Variants in KHDRBS2 observed in about 807,000 individuals in gnomAD.
KHDRBS2 encodes the protein KH domain-containing, RNA-binding, signal transduction-associated protein 2.
A neutral mutation model predicts 44.3 loss-of-function variants in KHDRBS2; 26 were observed. That is an observed-to-expected ratio of 0.59 (90% CI 0.43 to 0.81). KHDRBS2 has a LOEUF of 0.81. KHDRBS2 is among the 40% of genes least tolerant of loss of function. The pLI is 0.00. For missense variants in KHDRBS2, 476 were observed against 433.1 expected (o/e 1.10, Z -0.88); for synonymous variants, 194 against 151.1 (o/e 1.28, Z -2.08).
rs115883093 is a variant in KHDRBS2, at chr6:62,154,270, G to C, written c.219+22915C>G. Among the ~76,000 whole-genome samples, 567 of 152,256 alleles carry C rather than the reference G, an allele frequency of 3.7e-3. 2 individuals are homozygous for C. The highest frequency in any genetic ancestry group is 0.013 in the African/African-American group (548 of 41,552). The stretch of plus-strand genomic sequence containing the variant: ...CTCAGGTGTCACGGAGATTCTCTCT[G>C]TGTCCTTTCTGGATAGCTCCCTTTC... On this transcript the variant is annotated intron_variant, in intron 2 of 8. Coordinates refer to ENST00000281156, the MANE Select transcript of KHDRBS2 (RefSeq NM_152688.4).
the KHDRBS2 span, among the ~76,000 whole-genome samples, chr6:61,590,666 C>A: frequency 6.6e-6 from 1 of 152,090 alleles, no homozygotes; most frequent in African/African-American, 2.4e-5. Context: ...TGTGAATTTA[C>A]TTTCTGGTCT....
chr6:61,770,550 A>C (rs895875349), intron 6 of KHDRBS2, among the ~76,000 whole-genome samples: 2 of 152,250 alleles, frequency 1.3e-5, no homozygotes, highest in Middle Eastern at 3.2e-3. Flanking sequence ...CAGAAGCCTC[A>C]GTAGACGATG....
intron 1 of KHDRBS2, among the ~76,000 whole-genome samples, chr6:62,256,510 T>C (rs1333033657): frequency 6.6e-6 from 1 of 152,020 alleles, no homozygotes; most frequent in Non-Finnish European, 1.5e-5. Flanking sequence ...TCTCTTCTCT[T>C]GTCTGCCGCC....
chr6:62,129,471 T>C (rs115641734), intron 2 of KHDRBS2, among the ~76,000 whole-genome samples: 56 of 152,200 alleles, frequency 3.7e-4, no homozygotes, highest in African/African-American at 1.2e-3. Flanking sequence ...GTAGAGTGGG[T>C]TAAATTAAAA....
intron 2 of KHDRBS2, among the ~76,000 whole-genome samples, chr6:62,134,512 G>T (rs1212574207): frequency 6.6e-6 from 1 of 152,188 alleles, no homozygotes; most frequent in African/African-American, 2.4e-5. Flanking sequence ...CCCACACAGA[G>T]TCCCCACTGG....
chr6:61,794,625 G>A (rs1470908927), intron 6 of KHDRBS2, among the ~76,000 whole-genome samples: 1 of 151,950 alleles, frequency 6.6e-6, no homozygotes, highest in Non-Finnish European at 1.5e-5. Flanking sequence ...AAACAACATG[G>A]AATCAGAGTA....
intron 6 of KHDRBS2, among the ~76,000 whole-genome samples, chr6:61,881,510 A>C (rs1040779702): frequency 1.3e-5 from 2 of 151,968 alleles, no homozygotes; most frequent in African/African-American, 4.8e-5. Flanking sequence ...TGAAAGACCA[A>C]GGAAGAGACA....
At chr6:61,658,646 C>G in the KHDRBS2 span, among the ~76,000 whole-genome samples, 1 of 152,020 alleles carries the variant, frequency 6.6e-6, no homozygotes, top group South Asian at 2.1e-4. Flanking sequence ...GCAGTAGGGT[C>G]CTGACATCTG....
chr6:61,679,316 A>G (rs1766115184), downstream of KHDRBS2, among the ~76,000 whole-genome samples: 1 of 151,862 alleles, frequency 6.6e-6, no homozygotes, highest in African/African-American at 2.4e-5. Flanking sequence ...TATTGCCTTG[A>G]GGGTTATATA....
At position 61,728,223 on chromosome 6, in the gene KHDRBS2, C is replaced by T. The variant is rs145674987; in HGVS notation, c.893+4459G>A. Among the ~76,000 whole-genome samples the T allele has an allele frequency of 3.2e-4, 48 of 151,806 alleles. No homozygotes were observed. In the East Asian group the frequency reaches 6.8e-3, roughly 21 times the overall value. ...AAAACCACATGTTCTCATTTATTAA[C>T]GGGGAGCTAAATGATGAGAACACAG... On this transcript the variant is annotated intron_variant, in intron 7 of 8. Transcript: ENST00000281156.
chr6:61,626,179 G>A, the KHDRBS2 span, among the ~76,000 whole-genome samples: 3 of 152,086 alleles, frequency 2.0e-5, no homozygotes, highest in Non-Finnish European at 4.4e-5. Context: ...TCATTCAAAG[G>A]TTGAACAATA....
chr6:61,890,160 G>A (rs1166150002), intron 6 of KHDRBS2, among the ~76,000 whole-genome samples: 2 of 152,154 alleles, frequency 1.3e-5, no homozygotes, highest in Non-Finnish European at 2.9e-5. Context: ...TTTGTTCACA[G>A]ATATGTCTCC....
intron 3 of KHDRBS2, among the ~76,000 whole-genome samples, chr6:61,989,061 G>A (rs1775623726): frequency 6.6e-6 from 1 of 152,162 alleles, no homozygotes; most frequent in Admixed American, 6.5e-5. Context: ...TTAAAAATCA[G>A]AGGCTAGATT....
chr6:61,865,061 G>A (rs953984310), intron 6 of KHDRBS2, among the ~76,000 whole-genome samples: 2 of 152,032 alleles, frequency 1.3e-5, no homozygotes, highest in Admixed American at 6.6e-5. Flanking sequence ...GGTCTCTTCT[G>A]CTATTAATAC....
chr6:62,062,231 T>A (rs528102589), intron 2 of KHDRBS2, among the ~76,000 whole-genome samples: 11 of 148,592 alleles, frequency 7.4e-5, no homozygotes. Flanking sequence ...AGACAGAAAG[T>A]CAGCAAGGAT....
the KHDRBS2 span, among the ~76,000 whole-genome samples, chr6:61,543,234 T>C: frequency 6.6e-6 from 1 of 151,810 alleles, no homozygotes; most frequent in Non-Finnish European, 1.5e-5. Context: ...ACTAATAAAG[T>C]ATATAATGAT....
chr6:62,059,214 T>G (rs1389370663), intron 2 of KHDRBS2, among the ~76,000 whole-genome samples: 1 of 120,204 alleles, frequency 8.3e-6, no homozygotes, highest in Non-Finnish European at 1.7e-5. Context: ...TTTTTTTTTT[T>G]TTTTTTTTTT....
intron 6 of KHDRBS2, among the ~76,000 whole-genome samples, chr6:61,867,498 G>A (rs772675957): frequency 6.6e-6 from 1 of 152,164 alleles, no homozygotes; most frequent in Non-Finnish European, 1.5e-5. Context: ...ACTCTTGCTA[G>A]GGAGGTGTGG....
intron 2 of KHDRBS2, among the ~76,000 whole-genome samples, chr6:62,074,416 A>T (rs1233305486): frequency 6.6e-6 from 1 of 151,858 alleles, no homozygotes; most frequent in African/African-American, 2.4e-5. Flanking sequence ...TTGTGACTAT[A>T]GTCCACCATC....
Sources: allele counts gnomAD v4.1 joint callset (sites outside exome capture counted in the v4.1 genomes callset), GRCh38; gene constraint gnomAD v4.1.1; transcripts MANE v1.5; gene names NCBI Gene and HGNC (gene_info 2026-07-23, HGNC 2026-07-21).